PROM1: variants seen among roughly 807,000 people sequenced by gnomAD.
The protein encoded by PROM1 is prominin 1.
A neutral mutation model predicts 116.9 loss-of-function variants in PROM1; 105 were observed. The observed-to-expected ratio is 0.90, with a 90% CI of 0.77 to 1.06. PROM1 has a LOEUF of 1.06. PROM1 is among the 50% of genes least tolerant of loss of function. The pLI is 0.00. For missense variants in PROM1, 1,122 were observed against 1,045.2 expected (o/e 1.07, Z -1.01); for synonymous variants, 393 against 387.0 (o/e 1.02, Z -0.18).
At chr4:16,012,879 A>AG in intron 11 of PROM1, among the ~76,000 whole-genome samples, 1 of 151,530 alleles carries the variant, frequency 6.6e-6, no homozygotes, top group African/African-American at 2.4e-5. Context: ...TCAAAAAAAA[A>AG]AAAAAAAAAA....
intron 22 of PROM1, among the ~76,000 whole-genome samples, chr4:15,985,077 T>C (rs1718986001): frequency 6.6e-6 from 1 of 152,198 alleles, no homozygotes; most frequent in Admixed American, 6.5e-5. Context: ...CAATCATAGA[T>C]TAAAACATAT....
rs5856325 is a variant in PROM1 at position 15,970,811 on chromosome 4, TAA to T, written c.*24+230_*24+231del. Among the ~76,000 whole-genome samples, 14 of 152,052 alleles carry T rather than the reference TAA, an allele frequency of 9.2e-5. No individual in the cohort carries two copies. The East Asian group carries it at 2.5e-3, about 27-fold the overall frequency. Reference sequence around the variant, plus strand: ...TTATTTTTATTTTTGTACTGTTATTTAAAAAAAAATTTTTTTAGAGTATTTTT... The same window carrying T: ...TTATTTTTATTTTTGTACTGTTATTTAAAAAAATTTTTTTAGAGTATTTTT... On this transcript the variant is annotated intron_variant, in intron 27 of 27. Coordinates refer to ENST00000447510, the MANE Select transcript of PROM1 (RefSeq NM_006017.3).
At chr4:16,028,679 C>A (rs1203705694) in intron 5 of PROM1, among the ~76,000 whole-genome samples, 1 of 140,176 alleles carries the variant, frequency 7.1e-6, no homozygotes, top group Non-Finnish European at 1.5e-5. Flanking sequence ...ATTTGAACAA[C>A]CTCCAGTCAA....
chr4:16,025,402 A>T, intron 5 of PROM1, 90 bp from the exon 6 acceptor site: 1 of 1,498,730 alleles, frequency 6.7e-7, no homozygotes, highest in Middle Eastern at 1.8e-4. Flanking sequence ...GGAGTCAGGG[A>T]GGAGCCCGCA....
chr4:16,070,431 A>T (rs926471860), intron 2 of PROM1, among the ~76,000 whole-genome samples: 1 of 152,098 alleles, frequency 6.6e-6, no homozygotes, highest in Non-Finnish European at 1.5e-5. Context: ...TCAAGAGTTT[A>T]AAAAAAATTT....
intron 13 of PROM1, chr4:16,003,422 G>T (rs1489588017): frequency 2.2e-6 from 1 of 456,512 alleles, no homozygotes; most frequent in Non-Finnish European, 4.4e-6. Flanking sequence ...TATATAGCCT[G>T]ACAAACTGCT....
At chr4:16,059,663 C>T (rs897031857) in intron 2 of PROM1, among the ~76,000 whole-genome samples, 3 of 152,166 alleles carry the variant, frequency 2.0e-5, no homozygotes, top group African/African-American at 7.2e-5. Flanking sequence ...ACGATTGTGT[C>T]ACTGCAGTCC....
At chr4:15,972,096 G>A (rs1387919804) in intron 26 of PROM1, among the ~76,000 whole-genome samples, 2 of 152,062 alleles carry the variant, frequency 1.3e-5, no homozygotes, top group Non-Finnish European at 2.9e-5. Context: ...TTGAGCAGAG[G>A]GATGCTGGGC....
chr4:16,072,597 A>AAGT, intron 2 of PROM1, among the ~76,000 whole-genome samples: 1 of 152,236 alleles, frequency 6.6e-6, no homozygotes, highest in South Asian at 2.1e-4. Flanking sequence ...TTTAACTTTG[A>AAGT]AACAAAGACA....
intron 15 of PROM1, among the ~76,000 whole-genome samples, chr4:15,996,347 T>C (rs778056624): frequency 9.9e-5 from 15 of 151,076 alleles, no homozygotes; most frequent in Non-Finnish European, 2.1e-4. Context: ...CCATCTCTAC[T>C]AAAAATACAA....
chr4:16,067,725 T>TA (rs1346072716), intron 2 of PROM1, among the ~76,000 whole-genome samples: 2 of 152,200 alleles, frequency 1.3e-5, no homozygotes, highest in East Asian at 3.9e-4. Flanking sequence ...AGCCTGATCC[T>TA]ACGTGGACAT....
At chr4:15,980,859 CCAAA>C (rs1717688207) in intron 23 of PROM1, among the ~76,000 whole-genome samples, 1 of 152,054 alleles carries the variant, frequency 6.6e-6, no homozygotes, top group African/African-American at 2.4e-5. Flanking sequence ...TCTAACCACC[CCAAA>C]CAGATTCCCT....
intron 2 of PROM1, among the ~76,000 whole-genome samples, chr4:16,074,390 A>G (rs1743503244): frequency 6.6e-6 from 1 of 152,212 alleles, no homozygotes. Flanking sequence ...TAAAAATGTT[A>G]GTAGGTTATT....
intron 6 of PROM1, among the ~76,000 whole-genome samples, 172 bp from the exon 7 acceptor site, chr4:16,024,530 C>A (rs571512257): frequency 5.3e-5 from 8 of 152,202 alleles, no homozygotes; most frequent in East Asian, 1.9e-4. Context: ...GAGCATCACA[C>A]ATTTAGGCTG....
chr4:16,018,884 A>G (rs1729110566), intron 8 of PROM1, among the ~76,000 whole-genome samples: 1 of 152,216 alleles, frequency 6.6e-6, no homozygotes, highest in South Asian at 2.1e-4. Context: ...AGTCCAAACA[A>G]GTCAATCCCA....
intron 2 of PROM1, among the ~76,000 whole-genome samples, chr4:16,073,911 T>A (rs1333032569): frequency 6.6e-6 from 1 of 152,060 alleles, no homozygotes; most frequent in African/African-American, 2.4e-5. Flanking sequence ...AACCTTCCAA[T>A]CAAATCTAAA....
chr4:16,062,249 T>C (rs1740522591), intron 2 of PROM1, among the ~76,000 whole-genome samples: 2 of 152,154 alleles, frequency 1.3e-5, no homozygotes, highest in African/African-American at 4.8e-5. Flanking sequence ...AGCCTACCCC[T>C]GTATGACCTA....
intron 26 of PROM1, among the ~76,000 whole-genome samples, chr4:15,973,253 C>T (rs993363796): frequency 6.6e-6 from 1 of 152,178 alleles, no homozygotes; most frequent in African/African-American, 2.4e-5. Flanking sequence ...TCAAGACCAG[C>T]CTGGCCAATA....
intron 23 of PROM1, among the ~76,000 whole-genome samples, chr4:15,982,827 G>C (rs1274481874): frequency 1.3e-5 from 2 of 152,210 alleles, no homozygotes; most frequent in Non-Finnish European, 1.5e-5. Flanking sequence ...GAAGCATCCA[G>C]GAAGCAGGGC....
Sources: allele counts gnomAD v4.1 joint callset (sites outside exome capture counted in the v4.1 genomes callset), GRCh38; gene constraint gnomAD v4.1.1; transcripts MANE v1.5; gene names NCBI Gene and HGNC (gene_info 2026-07-23, HGNC 2026-07-21).